The following HLCS variants were observed in gnomAD, a reference collection of about 807,000 sequenced individuals.
HLCS encodes the protein biotin--protein ligase.
In HLCS, 53 loss-of-function variants were observed where a neutral mutation model predicts 75.0. The ratio of observed to expected loss-of-function variants is 0.71; its 90% CI spans 0.57 to 0.89. The LOEUF (loss-of-function observed/expected upper bound fraction) is 0.89, where lower values mean the gene tolerates loss of function less well. Ranked by LOEUF, HLCS falls within the 40% of genes least tolerant of loss-of-function variation. The pLI is 0.00. For synonymous variants in HLCS, 431 were observed against 428.6 expected, an observed-to-expected ratio of 1.01 and a Z score of -0.07; for missense variants, 966 against 1,074.0, an observed-to-expected ratio of 0.90 and a Z score of 1.41.
At chr21:36,802,816 G>T (rs562178168) in intron 6 of HLCS, among the ~76,000 whole-genome samples, 1 of 152,156 alleles carries the variant, frequency 6.6e-6, no homozygotes, top group Admixed American at 6.5e-5. Flanking sequence ...ACAATTCAAC[G>T]GAACAGCCTG....
At chr21:36,988,981 A>G (rs1350065997) in intron 1 of HLCS, among the ~76,000 whole-genome samples, 2 of 151,576 alleles carry the variant, frequency 1.3e-5, no homozygotes, top group Admixed American at 6.6e-5. Context: ...GTCTTTAATC[A>G]ATGGTAGGGG....
At chr21:36,794,792 T>C (rs1028324340) in intron 6 of HLCS, among the ~76,000 whole-genome samples, 1 of 152,070 alleles carries the variant, frequency 6.6e-6, no homozygotes, top group African/African-American at 2.4e-5. Flanking sequence ...GACCTGATGA[T>C]GAACTGAGCT....
At chr21:36,801,253 G>GC (rs1477886333) in intron 6 of HLCS, among the ~76,000 whole-genome samples, 2 of 152,124 alleles carry the variant, frequency 1.3e-5, no homozygotes, top group Admixed American at 1.3e-4. Context: ...CAATAGAGAC[G>GC]CAAGTAACTT....
intron 6 of HLCS, among the ~76,000 whole-genome samples, chr21:36,818,304 G>T (rs8134223): frequency 8.5e-5 from 13 of 152,142 alleles, no homozygotes; most frequent in African/African-American, 1.2e-4. Flanking sequence ...AGACCCTCCC[G>T]CGAGGAGCAC....
At chr21:36,777,337 T>C (rs2060390237) in intron 6 of HLCS, among the ~76,000 whole-genome samples, 1 of 152,242 alleles carries the variant, frequency 6.6e-6, no homozygotes, top group South Asian at 2.1e-4. Context: ...CATATAAATT[T>C]TATTCTTTAA....
chr21:36,936,681 A>G lies in HLCS; in HGVS notation c.1205T>C (p.Phe402Ser). 1 of 1,614,184 alleles carries G rather than the reference A, an allele frequency of 6.2e-7. No homozygotes were observed. Among genetic ancestry groups the G allele is most frequent in the Non-Finnish European group, 8.5e-7 (1 of 1,180,034 alleles). ...CAGTGCACCCTTGCTTGTCACCTGA[A>G]AGCCACCAAAGGTGAAGGATGAAGA... is the stretch of plus-strand genomic sequence containing the variant. ...GLSSSFTFGG[F>S]QVTSKGALHK... Residue 402 changes from phenylalanine (F) to serine (S), a missense_variant, in exon 4 of 11, where the codon TTT becomes TCT. By Grantham distance (155) the Phe-to-Ser change is radical (BLOSUM62 -2). Coordinates refer to ENST00000674895, the MANE Select transcript of HLCS (RefSeq NM_001352514.2).
intron 4 of HLCS, among the ~76,000 whole-genome samples, 184 bp downstream of exon 4, chr21:36,936,265 G>C (rs554795126): frequency 8.7e-4 from 133 of 152,254 alleles, no homozygotes; most frequent in Admixed American, 3.2e-3. Flanking sequence ...GGGTATTCAA[G>C]AAAGCCCTGA....
upstream of HLCS, among the ~76,000 whole-genome samples, chr21:36,966,994 C>A (rs919246724): frequency 1.3e-5 from 2 of 151,678 alleles, no homozygotes; most frequent in South Asian, 4.2e-4. Context: ...GGGTGCGGGG[C>A]CGCGCCAGGG....
At chr21:36,838,328 A>ACACACACACACC in intron 6 of HLCS, among the ~76,000 whole-genome samples, 1 of 147,688 alleles carries the variant, frequency 6.8e-6, no homozygotes, top group South Asian at 2.1e-4. Flanking sequence ...ACACACACAC[A>ACACACACACACC]CCCCCACAAC....
intron 5 of HLCS, among the ~76,000 whole-genome samples, chr21:36,910,632 T>C (rs565810406): frequency 1.3e-5 from 2 of 152,066 alleles, no homozygotes; most frequent in South Asian, 4.2e-4. Context: ...CTGACAACCC[T>C]TGGGGTGGGC....
At chr21:36,962,613 C>G (rs1319919185) in intron 1 of HLCS, among the ~76,000 whole-genome samples, 1 of 151,818 alleles carries the variant, frequency 6.6e-6, no homozygotes, top group Non-Finnish European at 1.5e-5. Context: ...CATGGTGAAA[C>G]CTTATCTCTA....
chr21:36,971,590 A>T (rs74450243), upstream of HLCS, among the ~76,000 whole-genome samples: 6,617 of 152,100 alleles, frequency 0.044, 320 homozygotes, highest in African/African-American at 0.12. Context: ...CCACTCTGGG[A>T]GACTGAGGCG....
At chr21:36,968,042 C>G (rs1489154873), upstream of HLCS, among the ~76,000 whole-genome samples, 1 of 148,918 alleles carries the variant, frequency 6.7e-6, no homozygotes, top group Non-Finnish European at 1.5e-5. Context: ...TTTTAAGAGA[C>G]AAGGTTTCGT....
At chr21:36,771,414 C>T (rs1006184871) in intron 6 of HLCS, among the ~76,000 whole-genome samples, 8 of 152,078 alleles carry the variant, frequency 5.3e-5, no homozygotes, top group Admixed American at 2.6e-4. Flanking sequence ...CTTCCTGACC[C>T]GGGGACTGTA....
intron 6 of HLCS, among the ~76,000 whole-genome samples, chr21:36,832,294 A>C (rs2835476): frequency 0.3 from 45,349 of 151,366 alleles, 7,092 homozygotes; most frequent in African/African-American, 0.36. Flanking sequence ...AGGAAGACAA[A>C]GATTTCCCTG....
chr21:36,754,915 C>T (rs572038907), intron 10 of HLCS, among the ~76,000 whole-genome samples: 27 of 152,192 alleles, frequency 1.8e-4, no homozygotes, highest in Non-Finnish European at 3.1e-4. Context: ...TAACAGCTTT[C>T]GAAGTATAGA....
intron 6 of HLCS, among the ~76,000 whole-genome samples, chr21:36,793,185 G>A (rs539170086): frequency 3.9e-4 from 59 of 152,040 alleles, no homozygotes; most frequent in African/African-American, 1.4e-3. Context: ...CATTGCCTTA[G>A]GTACCGATTC....
In HLCS at chr21:36,925,665, C is replaced by G. The variant is rs111876151; in HGVS notation, c.1620+4586G>C. Among the ~76,000 whole-genome samples, 240 of 152,272 alleles carry G rather than the reference C, an allele frequency of 1.6e-3. 2 individuals carry two copies. Among genetic ancestry groups the G allele is most frequent in the African/African-American group, 5.5e-3 (228 of 41,550 alleles). ...TGGAGGGTGGGGGGCTGGCTCTGCC[C>G]CACACACAGATTCAGGTCCCAGCCG... On this transcript the variant is annotated intron_variant, in intron 5 of 10. Coordinates refer to ENST00000674895, the MANE Select transcript of HLCS (RefSeq NM_001352514.2).
At chr21:36,802,243 C>A (rs888785204) in intron 6 of HLCS, among the ~76,000 whole-genome samples, 2 of 152,018 alleles carry the variant, frequency 1.3e-5, no homozygotes, top group East Asian at 1.9e-4. Flanking sequence ...TCCAAGATTG[C>A]AGCATAAGGG....
Sources: allele counts gnomAD v4.1 joint callset (sites outside exome capture counted in the v4.1 genomes callset), GRCh38; gene constraint gnomAD v4.1.1; transcripts MANE v1.5; gene names NCBI Gene and HGNC (gene_info 2026-07-23, HGNC 2026-07-21).